DCDC2C: variants seen among roughly 807,000 people sequenced by gnomAD.
DCDC2C encodes doublecortin domain containing 2C, also known as doublecortin domain-containing protein 2C.
In DCDC2C, 44 loss-of-function variants were observed where a neutral mutation model predicts 45.0. That is an observed-to-expected ratio of 0.98 (90% CI 0.77 to 1.26). The LOEUF (loss-of-function observed/expected upper bound fraction) is 1.26, where lower values mean the gene tolerates loss of function less well. Ranked by LOEUF, DCDC2C falls within the 50% of genes most tolerant of loss-of-function variation. The probability of loss-of-function intolerance (pLI) is 0.00; values close to 1 mark genes in which losing one functional copy is unlikely to be tolerated. For missense variants in DCDC2C, 447 were observed against 468.9 expected (o/e 0.95, Z 0.43); for synonymous variants, 187 against 178.8 (o/e 1.05, Z -0.37).
chr2:3,816,959 C>T (rs1205082644), intron 10 of DCDC2C, among the ~76,000 whole-genome samples: 1 of 152,186 alleles, frequency 6.6e-6, no homozygotes, highest in Non-Finnish European at 1.5e-5. Flanking sequence ...TTGTAACCTA[C>T]ATGGAAGAGG....
rs1668125930 is a variant in DCDC2C, at chr2:3,708,494, C to A, written c.288-55C>A. 5 of 1,399,364 alleles carry A rather than the reference C, an allele frequency of 3.6e-6. No homozygotes were observed. In the East Asian group the frequency reaches 7.5e-5, roughly 21 times the overall value. 86.7% of individuals were successfully genotyped at this position (1,399,364 alleles called of 1,614,324 possible). A position where few individuals can be genotyped will look rare whatever the true frequency, so the allele number is the denominator to read the frequency against. On this transcript the variant is annotated intron_variant, in intron 1 of 10. Transcript: ENST00000399143. ...GGACTCGTTTCTAAGGAGTCTGGAA[C>A]TTTCTATGTAAATATCTTCCTTCTA...
intron 10 of DCDC2C, among the ~76,000 whole-genome samples, chr2:3,826,911 A>ATCCCTCCCTCCCCTGCC (rs1671832894): frequency 1.3e-5 from 2 of 149,832 alleles, no homozygotes; most frequent in African/African-American, 4.9e-5. Context: ...CCGTCCCTCC[A>ATCCCTCCCTCCCCTGCC]TCCCTCCCTC....
In DCDC2C at chr2:3,777,784, T is replaced by C. The variant is rs137933011; in HGVS notation, c.955-1032T>C. ...GCCACGGAACACTGTTCTTGCACAT[T>C]CAAGGTCAGCTGGCAGGAGCTGTTG... On this transcript the variant is annotated intron_variant, in intron 8 of 10. Coordinates refer to ENST00000399143, the MANE Select transcript of DCDC2C (RefSeq NM_001287444.2). 2.4e-4 allele frequency among the ~76,000 whole-genome samples: 37 copies of C among 152,342 alleles called. 1 individual carries two copies. In the East Asian group the frequency reaches 6.6e-3, roughly 27 times the overall value.
At chr2:3,753,167 T>C (rs935359539) in intron 5 of DCDC2C, among the ~76,000 whole-genome samples, 3 of 152,072 alleles carry the variant, frequency 2.0e-5, no homozygotes, top group African/African-American at 7.2e-5. Flanking sequence ...AGATCAGGAG[T>C]TGAAATGTGC....
chr2:3,724,110 T>C (rs2148067049), intron 2 of DCDC2C, among the ~76,000 whole-genome samples: 1 of 152,342 alleles, frequency 6.6e-6, no homozygotes, highest in Non-Finnish European at 1.5e-5. Flanking sequence ...ATAAGAACTC[T>C]GTAACGCACG....
intron 10 of DCDC2C, among the ~76,000 whole-genome samples, chr2:3,809,209 G>A (rs921349859): frequency 6.6e-6 from 1 of 152,112 alleles, no homozygotes; most frequent in African/African-American, 2.4e-5. Context: ...ATTGTTTTGA[G>A]CTATTTCAGA....
At position 3,727,209 on chromosome 2, in the gene DCDC2C, G is replaced by C. The variant is rs1668715202; in HGVS notation, c.416+130G>C. ...TCCCCTCCCCTCCCCCTGCTCTCTT[G>C]TGCTCTCACTTCCTGACAGGTGATT... is the stretch of plus-strand genomic sequence containing the variant. On this transcript the variant is annotated intron_variant, in intron 3 of 10. Coordinates refer to ENST00000399143, the MANE Select transcript of DCDC2C (RefSeq NM_001287444.2). The C allele has an allele frequency of 4.4e-6, 3 of 678,018 alleles. No individual in the cohort carries two copies. The East Asian group carries it at 8.6e-5, about 19-fold the overall frequency. 42.0% of individuals were successfully genotyped at this position (678,018 alleles called of 1,614,324 possible). A position where few individuals can be genotyped will look rare whatever the true frequency, so the allele number is the denominator to read the frequency against.
intron 3 of DCDC2C, 101 bp downstream of exon 3, chr2:3,727,180 C>G: frequency 1.1e-6 from 1 of 929,276 alleles, no homozygotes; most frequent in Admixed American, 2.1e-5. Context: ...CTTTCTGTCC[C>G]TCCTCCCCTC....
intron 6 of DCDC2C, among the ~76,000 whole-genome samples, chr2:3,763,182 G>A (rs972517599): frequency 2.0e-5 from 3 of 152,202 alleles, no homozygotes; most frequent in African/African-American, 7.2e-5. Context: ...GGTTCGTTCT[G>A]GCATTTGGAT....
chr2:3,718,869 C>T (rs1668418336), intron 2 of DCDC2C, among the ~76,000 whole-genome samples: 1 of 152,164 alleles, frequency 6.6e-6, no homozygotes, highest in African/African-American at 2.4e-5. Context: ...CTACAGATTG[C>T]TGACTGGTGC....
intron 10 of DCDC2C, among the ~76,000 whole-genome samples, chr2:3,799,348 T>C (rs1671046500): frequency 6.6e-6 from 1 of 152,272 alleles, no homozygotes; most frequent in Non-Finnish European, 1.5e-5. Context: ...AATTTGATCA[T>C]CTGAAGCCTT....
At chr2:3,714,605 T>C (rs1238302189) in intron 2 of DCDC2C, among the ~76,000 whole-genome samples, 3 of 152,214 alleles carry the variant, frequency 2.0e-5, no homozygotes, top group Non-Finnish European at 2.9e-5. Flanking sequence ...AAGAGAAGGA[T>C]GTGATTTGCT....
intron 7 of DCDC2C, among the ~76,000 whole-genome samples, chr2:3,768,540 T>C (rs969012562): frequency 6.6e-6 from 1 of 152,164 alleles, no homozygotes; most frequent in Non-Finnish European, 1.5e-5. Flanking sequence ...TTGGAAGTCA[T>C]TTTTCCTAAA....
intron 10 of DCDC2C, among the ~76,000 whole-genome samples, chr2:3,814,977 G>A (rs932856053): frequency 4.6e-5 from 7 of 152,364 alleles, no homozygotes; most frequent in African/African-American, 1.2e-4. Flanking sequence ...AGGCAGTGGC[G>A]AGTCCCAGTG....
At chr2:3,782,252 G>C (rs1405871082) in intron 9 of DCDC2C, among the ~76,000 whole-genome samples, 1 of 152,188 alleles carries the variant, frequency 6.6e-6, no homozygotes, top group Non-Finnish European at 1.5e-5. Context: ...AGCTCAGGGT[G>C]CATTCATTTT....
At position 3,761,400 on chromosome 2, in the gene DCDC2C, C is replaced by T. The variant is rs780715029; in HGVS notation, c.727-6354C>T. ...GCGTGTGTGTGTGCGTGTGTGTGTG[C>T]GTGAAAACAGTTGCAGAGGCATGTG... On this transcript the variant is annotated intron_variant, in intron 6 of 10. Transcript: ENST00000399143. The surrounding 1 kb of genome is among the most constrained non-coding windows in gnomAD (Gnocchi z 4.3). Among the ~76,000 whole-genome samples the T allele has an allele frequency of 1.5e-4, 22 of 151,616 alleles. No homozygotes were observed. The highest frequency in any genetic ancestry group is 2.5e-4 in the Non-Finnish European group (17 of 67,802).
intron 8 of DCDC2C, among the ~76,000 whole-genome samples, chr2:3,776,219 G>T (rs1670330507): frequency 1.3e-5 from 2 of 152,144 alleles, no homozygotes; most frequent in Non-Finnish European, 2.9e-5. Flanking sequence ...CTTCTGGCTG[G>T]CATATGAGCA....
intron 6 of DCDC2C, among the ~76,000 whole-genome samples, chr2:3,766,960 G>C (rs1379269114): frequency 1.3e-5 from 2 of 152,218 alleles, no homozygotes; most frequent in Non-Finnish European, 2.9e-5. Context: ...GGAATGCTGG[G>C]CAGTGACGGC....
rs150624934 is a variant in DCDC2C, at chr2:3,821,789, G to A, written c.1066-25365G>A. On this transcript the variant is annotated intron_variant, in intron 10 of 10. Transcript: ENST00000399143. ...AGGAGGCCTGGTTCCTTTAATTGAA[G>A]AAAGGTATTTAGAAATCAAATCTCC... Among the ~76,000 whole-genome samples, 126 of 152,340 alleles carry A rather than the reference G, an allele frequency of 8.3e-4. 2 individuals carry two copies. In the East Asian group the frequency reaches 9.6e-3, roughly 12 times the overall value.
Sources: allele counts gnomAD v4.1 joint callset (sites outside exome capture counted in the v4.1 genomes callset), GRCh38; gene constraint gnomAD v4.1.1; non-coding constraint Gnocchi (gnomAD v3.1); transcripts MANE v1.5; gene names NCBI Gene and HGNC (gene_info 2026-07-23, HGNC 2026-07-21).